Variants in PALM2AKAP2 observed in about 807,000 individuals in gnomAD.
PALM2AKAP2 encodes PALM2 and AKAP2 fusion.
In PALM2AKAP2, 37 loss-of-function variants were observed where a neutral mutation model predicts 71.5. That is an observed-to-expected ratio of 0.52 (90% CI 0.40 to 0.68). PALM2AKAP2 has a LOEUF of 0.68. Ranked by LOEUF, PALM2AKAP2 falls within the 30% of genes least tolerant of loss-of-function variation. The pLI, the probability that PALM2AKAP2 is intolerant of heterozygous loss-of-function variation, is 0.00. For missense variants in PALM2AKAP2, 1,224 were observed against 1,191.8 expected, an observed-to-expected ratio of 1.03 and a Z score of -0.40; for synonymous variants, 468 against 478.8, an observed-to-expected ratio of 0.98 and a Z score of 0.29.
Position 109,941,235 on chromosome 9 carries a change from A to G in PALM2AKAP2, c.496+9207A>G, listed in dbSNP as rs1404439403. On this transcript the variant is annotated intron_variant, in intron 6 of 9. Transcript: ENST00000302798. Reference sequence around the variant, plus strand: ...CCTCTGGCCATACAGAAACAGGCTCAGGCTGTCTTTGGCCCTCTGGCCACA... The same window carrying G: ...CCTCTGGCCATACAGAAACAGGCTCGGGCTGTCTTTGGCCCTCTGGCCACA... Among the ~76,000 whole-genome samples, 5 of 148,620 alleles carry G rather than the reference A, an allele frequency of 3.4e-5. No homozygotes were observed. In the South Asian group the frequency reaches 1.1e-3, roughly 32 times the overall value.
chr9:109,912,209 T>C (rs555237669), intron 3 of PALM2AKAP2, among the ~76,000 whole-genome samples: 2 of 150,774 alleles, frequency 1.3e-5, no homozygotes, highest in Admixed American at 6.6e-5. Context: ...GGGAAGGAGG[T>C]GAGAGGGAGC....
chr9:109,794,382 G>T lies in PALM2AKAP2; in HGVS notation c.45+13849G>T, dbSNP rs1827192527. Among the ~76,000 whole-genome samples, 3 of 146,464 alleles carry T rather than the reference G, an allele frequency of 2.0e-5. No homozygotes were observed. In the South Asian group the frequency reaches 6.6e-4, roughly 32 times the overall value. On this transcript the variant is annotated intron_variant, in intron 1 of 9. Coordinates refer to the PALM2AKAP2 transcript ENST00000302798. Reference sequence around the variant, plus strand: ...GACAGGGACTGAGGGTTGAGGGAAAGCACTGCAGATTTTCCAGGTGTATTT... The same window carrying T: ...GACAGGGACTGAGGGTTGAGGGAAATCACTGCAGATTTTCCAGGTGTATTT...
At chr9:109,927,595 G>A (rs1014326884) in intron 5 of PALM2AKAP2, among the ~76,000 whole-genome samples, 1 of 152,184 alleles carries the variant, frequency 6.6e-6, no homozygotes, top group African/African-American at 2.4e-5. Context: ...TAACCTAAGT[G>A]TGTCCCTCTA....
At chr9:110,147,722 G>T (rs1250370410) in intron 2 of PALM2AKAP2, among the ~76,000 whole-genome samples, 1 of 152,108 alleles carries the variant, frequency 6.6e-6, no homozygotes, top group Non-Finnish European at 1.5e-5. Context: ...GTGAGCTATG[G>T]TCATGCCGCT....
chr9:109,821,275 T>C (rs1827993754), intron 1 of PALM2AKAP2, among the ~76,000 whole-genome samples: 1 of 152,186 alleles, frequency 6.6e-6, no homozygotes. Context: ...GGCGCATGTA[T>C]ACATATGTAA....
intron 6 of PALM2AKAP2, among the ~76,000 whole-genome samples, chr9:110,006,628 G>C (rs967804539): frequency 6.6e-6 from 1 of 152,058 alleles, no homozygotes; most frequent in African/African-American, 2.4e-5. Flanking sequence ...CTCCCAAAGT[G>C]CTGGGATTAC....
intron 1 of PALM2AKAP2, among the ~76,000 whole-genome samples, chr9:109,677,953 C>T (rs974501547): frequency 3.3e-5 from 5 of 152,122 alleles, no homozygotes; most frequent in African/African-American, 1.2e-4. Flanking sequence ...AATTAGTACC[C>T]GATAAACTCA....
chr9:109,877,906 A>G (rs566225956), intron 2 of PALM2AKAP2, among the ~76,000 whole-genome samples: 50 of 152,368 alleles, frequency 3.3e-4, no homozygotes, highest in Middle Eastern at 3.4e-3. Context: ...TCATTCTTCT[A>G]CTTCAGAATT....
intron 1 of PALM2AKAP2, among the ~76,000 whole-genome samples, chr9:110,068,427 T>C (rs1269234712): frequency 6.7e-6 from 1 of 149,394 alleles, no homozygotes; most frequent in South Asian, 2.1e-4. Context: ...AATGAGATGA[T>C]ATAGGAATCT....
chr9:110,115,126 A>G (rs1276820146), intron 1 of PALM2AKAP2, among the ~76,000 whole-genome samples: 1 of 152,174 alleles, frequency 6.6e-6, no homozygotes, highest in Admixed American at 6.5e-5. Flanking sequence ...GAAACAGCTG[A>G]CCAGCCCTCA....
chr9:110,076,492 C>CAT (rs149836822), intron 1 of PALM2AKAP2, among the ~76,000 whole-genome samples: 39,280 of 106,642 alleles, frequency 0.37, 9,160 homozygotes, highest in Admixed American at 0.47. Context: ...ATATATTCTA[C>CAT]ATATATATAT....
At chr9:109,753,712 A>T (rs1325303007) in intron 1 of PALM2AKAP2, among the ~76,000 whole-genome samples, 1 of 152,174 alleles carries the variant, frequency 6.6e-6, no homozygotes, top group Non-Finnish European at 1.5e-5. Flanking sequence ...TAACTCATCG[A>T]GGCAGTTAGA....
At chr9:109,897,253 G>A (rs1217600110) in intron 3 of PALM2AKAP2, among the ~76,000 whole-genome samples, 2 of 152,120 alleles carry the variant, frequency 1.3e-5, no homozygotes. Flanking sequence ...ATTAGTGTGA[G>A]GGGCAAATGA....
At chr9:109,919,763 G>GTATATA (rs1306690826) in intron 3 of PALM2AKAP2, among the ~76,000 whole-genome samples, 16 of 135,692 alleles carry the variant, frequency 1.2e-4, no homozygotes, top group African/African-American at 1.6e-4. Context: ...GTGTGTGTGT[G>GTATATA]TGTATATATG....
intron 1 of PALM2AKAP2, among the ~76,000 whole-genome samples, chr9:109,709,575 C>T (rs1315871964): frequency 6.6e-6 from 1 of 152,172 alleles, no homozygotes; most frequent in Non-Finnish European, 1.5e-5. Flanking sequence ...CAGACCCTGA[C>T]CATGTGTTGA....
At chr9:109,891,320 C>T (rs1830083204) in intron 3 of PALM2AKAP2, among the ~76,000 whole-genome samples, 1 of 152,184 alleles carries the variant, frequency 6.6e-6, no homozygotes, top group Non-Finnish European at 1.5e-5. Context: ...TACAAGCATG[C>T]ACCATGGCCC....
intron 1 of PALM2AKAP2, among the ~76,000 whole-genome samples, chr9:109,747,711 C>A (rs1296250826): frequency 1.3e-5 from 2 of 152,042 alleles, no homozygotes; most frequent in African/African-American, 4.8e-5. Context: ...ACTCTGTCAC[C>A]CAGGTTGGAG....
At chr9:110,119,343 A>G (rs1037119907) in intron 1 of PALM2AKAP2, among the ~76,000 whole-genome samples, 15,339 of 64,146 alleles carry the variant, frequency 0.24, 846 homozygotes, top group African/African-American at 0.34. Flanking sequence ...CTCCATCTCA[A>G]AAAAAAAAAA....
chr9:109,967,041 T>C (rs1043261385), intron 6 of PALM2AKAP2, among the ~76,000 whole-genome samples: 1 of 152,228 alleles, frequency 6.6e-6, no homozygotes, highest in African/African-American at 2.4e-5. Flanking sequence ...TTGTTATTAT[T>C]ATCTCTTGCA....
Sources: gnomAD v4.1 joint callset for allele counts (sites outside exome capture counted in the v4.1 genomes callset) on GRCh38, gnomAD v4.1.1 for gene constraint, MANE v1.5 for transcripts, NCBI Gene and HGNC (gene_info 2026-07-23, HGNC 2026-07-21) for gene names.